Variants in ACTR3C observed in about 807,000 individuals in gnomAD.
ACTR3C encodes the protein actin related protein 3C.
In ACTR3C, 18 loss-of-function variants were observed where a neutral mutation model predicts 26.3. That is an observed-to-expected ratio of 0.68 (90% CI 0.47 to 1.01). The LOEUF is 1.01. Ranked by LOEUF, ACTR3C falls within the 50% of genes least tolerant of loss-of-function variation. The pLI is 0.00. For missense variants in ACTR3C, 184 were observed against 250.7 expected, an observed-to-expected ratio of 0.73 and a Z score of 1.80; for synonymous variants, 55 against 94.5, an observed-to-expected ratio of 0.58 and a Z score of 2.42.
At chr7:149,925,276 G>A in the ACTR3C span, among the ~76,000 whole-genome samples, 1 of 152,150 alleles carries the variant, frequency 6.6e-6, no homozygotes, top group African/African-American at 2.4e-5. Flanking sequence ...TTATAAAGAT[G>A]ATGATGTTCA....
the ACTR3C span, among the ~76,000 whole-genome samples, chr7:149,963,785 T>A: frequency 1.3e-5 from 2 of 152,208 alleles, no homozygotes; most frequent in Non-Finnish European, 2.9e-5. Context: ...TGTGAACCTG[T>A]TTCTATGAGG....
intron 6 of ACTR3C, among the ~76,000 whole-genome samples, chr7:150,283,274 G>A (rs946165647): frequency 2.0e-5 from 3 of 150,026 alleles, no homozygotes; most frequent in African/African-American, 5.1e-5. Context: ...AATGTCAGGC[G>A]GGATTGAAGT....
chr7:150,043,263 C>T, the ACTR3C span, among the ~76,000 whole-genome samples: 11 of 151,196 alleles, frequency 7.3e-5, no homozygotes, highest in Non-Finnish European at 4.4e-5. Flanking sequence ...ATCTTAGGAT[C>T]CCCGATGGGC....
At chr7:149,940,159 A>T in the ACTR3C span, among the ~76,000 whole-genome samples, 3 of 152,132 alleles carry the variant, frequency 2.0e-5, no homozygotes, top group African/African-American at 7.2e-5. Flanking sequence ...ACCTATCTAT[A>T]CCTCCATTAA....
chr7:149,933,423 T>C, the ACTR3C span, among the ~76,000 whole-genome samples: 19 of 152,138 alleles, frequency 1.2e-4, no homozygotes, highest in South Asian at 1.0e-3. Context: ...TTGAAAAAAT[T>C]TGAGGGCTAA....
At chr7:150,037,935 C>G in the ACTR3C span, among the ~76,000 whole-genome samples, 2 of 138,164 alleles carry the variant, frequency 1.4e-5, no homozygotes, top group African/African-American at 2.7e-5. Context: ...GTGCCTCCCC[C>G]CCTGCGATGG....
chr7:150,144,194 G>A, the ACTR3C span, among the ~76,000 whole-genome samples: 1 of 152,078 alleles, frequency 6.6e-6, no homozygotes, highest in African/African-American at 2.4e-5. This position sits in a 1 kb window ranked among gnomAD's most constrained non-coding sequence, Gnocchi z 4.6. Context: ...AGCAATGCAC[G>A]AGGCCCTCAG....
At chr7:150,288,048 C>CG (rs1011286861) in intron 4 of ACTR3C, among the ~76,000 whole-genome samples, 1 of 146,096 alleles carries the variant, frequency 6.8e-6, no homozygotes, top group East Asian at 2.0e-4. Context: ...TAAGGGGAAG[C>CG]GGGGGGAGCT....
the ACTR3C span, among the ~76,000 whole-genome samples, chr7:150,009,237 C>T: frequency 6.0e-5 from 9 of 150,786 alleles, no homozygotes; most frequent in Non-Finnish European, 1.2e-4. Context: ...CATCACTCCA[C>T]CACTCCAAAA....
the ACTR3C span, among the ~76,000 whole-genome samples, chr7:150,023,235 ATCTCTC>A: frequency 7.0e-6 from 1 of 142,326 alleles, no homozygotes; most frequent in East Asian, 2.0e-4. Flanking sequence ...ATCTCTATAT[ATCTCTC>A]TATCTCTATA....
the ACTR3C span, among the ~76,000 whole-genome samples, chr7:150,039,306 C>T: frequency 1.4e-5 from 2 of 144,290 alleles, no homozygotes; most frequent in African/African-American, 5.5e-5. Context: ...GGGGTACCAA[C>T]AGCCAGGGGC....
chr7:150,261,847 T>G (rs1220036062), intron 6 of ACTR3C, among the ~76,000 whole-genome samples: 1 of 152,296 alleles, frequency 6.6e-6, no homozygotes, highest in Non-Finnish European at 1.5e-5. Context: ...GTACTAGGAA[T>G]TCTACTTATG....
the ACTR3C span, among the ~76,000 whole-genome samples, chr7:150,231,990 A>G: frequency 1.3e-5 from 2 of 152,176 alleles, no homozygotes; most frequent in East Asian, 3.8e-4. Flanking sequence ...GCAATAGTGA[A>G]TTTGTATATT....
the ACTR3C span, among the ~76,000 whole-genome samples, chr7:149,988,316 T>C: frequency 6.6e-6 from 1 of 152,200 alleles, no homozygotes; most frequent in Admixed American, 6.5e-5. Flanking sequence ...ACCTCACAGG[T>C]GATGCTAAGC....
chr7:150,277,563 C>T (rs573404208), intron 6 of ACTR3C, among the ~76,000 whole-genome samples: 1 of 152,158 alleles, frequency 6.6e-6, no homozygotes, highest in Non-Finnish European at 1.5e-5. Flanking sequence ...CTCCAACCTA[C>T]AAATGCAACT....
the ACTR3C span, among the ~76,000 whole-genome samples, chr7:150,051,672 A>G: frequency 0.031 from 4,330 of 140,852 alleles, 2 homozygotes; most frequent in East Asian, 0.055. Context: ...TTTTCTATCT[A>G]GTTTCATATG....
chr7:150,094,948 C>T, the ACTR3C span, among the ~76,000 whole-genome samples: 48 of 147,258 alleles, frequency 3.3e-4, no homozygotes, highest in Non-Finnish European at 5.0e-4. Flanking sequence ...CCTCCCTGCT[C>T]CAGCACCCCC....
chr7:150,186,688 T>C, the ACTR3C span, among the ~76,000 whole-genome samples: 5 of 152,162 alleles, frequency 3.3e-5, no homozygotes, highest in Non-Finnish European at 7.4e-5. Context: ...TCACAATACT[T>C]ATCCCATCAT....
chr7:150,321,941 G>A (rs186110013), intron 1 of ACTR3C, among the ~76,000 whole-genome samples: 1 of 152,280 alleles, frequency 6.6e-6, no homozygotes, highest in Admixed American at 6.5e-5. Flanking sequence ...GCCTGCCCCC[G>A]GGCCAGCCCC....
Sources: gnomAD v4.1 joint callset for allele counts (sites outside exome capture counted in the v4.1 genomes callset) on GRCh38, gnomAD v4.1.1 for gene constraint, Gnocchi (gnomAD v3.1) non-coding constraint, MANE v1.5 for transcripts, NCBI Gene and HGNC (gene_info 2026-07-23, HGNC 2026-07-21) for gene names.